The following SLC8A1 variants were observed in gnomAD, a reference collection of about 807,000 sequenced individuals.
SLC8A1 encodes the protein solute carrier family 8 member A1.
Under a neutral mutation model 68.3 loss-of-function variants are expected in SLC8A1, and 18 were observed. The observed-to-expected ratio is 0.26, with a 90% CI of 0.18 to 0.39. The LOEUF (loss-of-function observed/expected upper bound fraction) is 0.39, where lower values mean the gene tolerates loss of function less well. Ranked by LOEUF, SLC8A1 falls within the 10% of genes least tolerant of loss-of-function variation. SLC8A1 has a pLI of 1.00. For synonymous variants in SLC8A1, 475 were observed against 415.5 expected, an observed-to-expected ratio of 1.14 and a Z score of -1.74; for missense variants, 985 against 1,156.7, an observed-to-expected ratio of 0.85 and a Z score of 2.15.
intron 2 of SLC8A1, among the ~76,000 whole-genome samples, chr2:40,271,995 T>G (rs1016841385): frequency 4.6e-5 from 7 of 151,926 alleles, no homozygotes; most frequent in Non-Finnish European, 1.0e-4. Flanking sequence ...GCCTGCTGAG[T>G]AGCTGGGACT....
rs532768180 is a variant in SLC8A1, at chr2:40,301,431, T to C, written c.1809-123576A>G. Among the ~76,000 whole-genome samples the C allele has an allele frequency of 9.6e-4, 146 of 152,342 alleles. 2 individuals carry two copies. Among genetic ancestry groups the C allele is most frequent in the African/African-American group, 3.4e-3 (140 of 41,590 alleles). On this transcript the variant is annotated intron_variant, in intron 2 of 7. Coordinates refer to ENST00000406785, the Ensembl canonical transcript of SLC8A1. ...TCAGGCTATAACTGTCTTCAAAGTT[T>C]CAGGTTTGGAAAAGCCTGGAGGGAA...
chr2:40,428,936 C>T (rs1397420420), exon 2 of SLC8A1: 2 of 1,613,824 alleles, frequency 1.2e-6, no homozygotes, highest in Admixed American at 1.7e-5. Context: ...TTTGCTGTGC[C>T]ATCCTCTGTT....
chr2:40,422,928 C>G (rs1026740948), intron 2 of SLC8A1, among the ~76,000 whole-genome samples: 1 of 152,064 alleles, frequency 6.6e-6, no homozygotes, highest in Non-Finnish European at 1.5e-5. Context: ...TTTTCATCTG[C>G]AAGGTCACTT....
At chr2:40,294,864 T>G (rs916922536) in intron 2 of SLC8A1, among the ~76,000 whole-genome samples, 1 of 152,184 alleles carries the variant, frequency 6.6e-6, no homozygotes, top group Middle Eastern at 3.2e-3. Context: ...GAATTCAATT[T>G]AATATGGTCT....
intron 2 of SLC8A1, among the ~76,000 whole-genome samples, chr2:40,345,896 C>A (rs1176098295): frequency 6.6e-6 from 1 of 151,740 alleles, no homozygotes; most frequent in South Asian, 2.1e-4. Flanking sequence ...CTAATGCACG[C>A]GGAGCTTAAA....
At chr2:40,232,325 T>C (rs920279225) in intron 2 of SLC8A1, among the ~76,000 whole-genome samples, 3 of 151,984 alleles carry the variant, frequency 2.0e-5, no homozygotes, top group African/African-American at 7.2e-5. Context: ...GGTTGGCACA[T>C]AGATGTTCTG....
intron 6 of SLC8A1, among the ~76,000 whole-genome samples, chr2:40,156,943 G>A (rs2044646993): frequency 6.6e-6 from 1 of 152,136 alleles, no homozygotes; most frequent in South Asian, 2.1e-4. Flanking sequence ...CCTTCATGCT[G>A]GAGAGACTGT....
At chr2:40,388,562 C>G (rs746178061) in intron 2 of SLC8A1, among the ~76,000 whole-genome samples, 3 of 152,098 alleles carry the variant, frequency 2.0e-5, no homozygotes, top group Admixed American at 2.0e-4. Flanking sequence ...TGCATCTAAG[C>G]AACAGTATGT....
intron 2 of SLC8A1, among the ~76,000 whole-genome samples, chr2:40,302,233 C>A (rs1414474075): frequency 6.6e-6 from 1 of 151,970 alleles, no homozygotes; most frequent in Non-Finnish European, 1.5e-5. Flanking sequence ...TTCCCTCCTA[C>A]CCTTCCCTCC....
chr2:40,441,372 C>T (rs1013022388), intron 1 of SLC8A1, among the ~76,000 whole-genome samples: 2 of 147,274 alleles, frequency 1.4e-5, no homozygotes, highest in Non-Finnish European at 3.0e-5. Flanking sequence ...ATCAAACTAC[C>T]ATTGACTTTC....
At chr2:40,169,766 C>T (rs2270327) in intron 4 of SLC8A1, among the ~76,000 whole-genome samples, 2 of 151,854 alleles carry the variant, frequency 1.3e-5, no homozygotes, top group Non-Finnish European at 2.9e-5. Flanking sequence ...CATGGTGAGA[C>T]CCCGTCTCTA....
At chr2:40,119,368 T>C (rs1558423682) in intron 7 of SLC8A1, among the ~76,000 whole-genome samples, 2 of 151,716 alleles carry the variant, frequency 1.3e-5, no homozygotes, top group Admixed American at 6.6e-5. Flanking sequence ...CACACGCAAA[T>C]CCAAACCACT....
At chr2:40,440,006 G>C (rs1490471023) in intron 1 of SLC8A1, among the ~76,000 whole-genome samples, 1 of 151,998 alleles carries the variant, frequency 6.6e-6, no homozygotes, top group Non-Finnish European at 1.5e-5. Context: ...CTTTAAAAAT[G>C]AAACTCACCT....
chr2:40,335,026 T>C (rs182784952), intron 2 of SLC8A1, among the ~76,000 whole-genome samples: 1 of 152,314 alleles, frequency 6.6e-6, no homozygotes, highest in Non-Finnish European at 1.5e-5. Flanking sequence ...TATCAACTCA[T>C]GGATCTCATT....
At chr2:40,377,112 G>C (rs1303371697) in intron 2 of SLC8A1, among the ~76,000 whole-genome samples, 2 of 150,932 alleles carry the variant, frequency 1.3e-5, no homozygotes, top group Non-Finnish European at 2.9e-5. Context: ...TTAATTATTT[G>C]ACTTTAAGTT....
intron 1 of SLC8A1, among the ~76,000 whole-genome samples, chr2:40,478,778 T>G (rs60352566): frequency 0.021 from 3,152 of 152,008 alleles, 101 homozygotes; most frequent in African/African-American, 0.07. Context: ...TTGTTTGTTT[T>G]TTTTTTTTTT....
At chr2:40,409,614 T>C (rs567589850) in intron 2 of SLC8A1, among the ~76,000 whole-genome samples, 132 of 152,158 alleles carry the variant, frequency 8.7e-4, no homozygotes, top group African/African-American at 3.0e-3. Context: ...GCTTGCTGAA[T>C]AGAAAAAGTG....
intron 2 of SLC8A1, among the ~76,000 whole-genome samples, chr2:40,196,320 T>C (rs891020718): frequency 2.0e-5 from 3 of 151,962 alleles, no homozygotes; most frequent in African/African-American, 4.8e-5. Flanking sequence ...GAAGTTGTCC[T>C]GAGAAAACTC....
chr2:40,180,845 C>A (rs1489892538), intron 2 of SLC8A1, among the ~76,000 whole-genome samples: 1 of 149,742 alleles, frequency 6.7e-6, no homozygotes, highest in Non-Finnish European at 1.5e-5. Context: ...GAAAAGGTAC[C>A]TGTTTCATGT....
Sources: allele counts gnomAD v4.1 joint callset (sites outside exome capture counted in the v4.1 genomes callset), GRCh38; gene constraint gnomAD v4.1.1; transcripts MANE v1.5; gene names NCBI Gene and HGNC (gene_info 2026-07-23, HGNC 2026-07-21).